The following EDIL3 variants were observed in gnomAD, a reference collection of about 807,000 sequenced individuals.
EDIL3 encodes the protein EGF-like repeat and discoidin I-like domain-containing protein 3.
Under a neutral mutation model 67.4 loss-of-function variants are expected in EDIL3, and 37 were observed. The observed-to-expected ratio is 0.55, with a 90% confidence interval of 0.42 to 0.72. The LOEUF is 0.72. Ranked by LOEUF, EDIL3 falls within the 30% of genes least tolerant of loss-of-function variation. The pLI is 0.00. For synonymous variants in EDIL3, 195 were observed against 196.3 expected, an observed-to-expected ratio of 0.99 and a Z score of 0.05; for missense variants, 527 against 586.3, an observed-to-expected ratio of 0.90 and a Z score of 1.04.
At chr5:84,328,597 C>T (rs1012071540) in intron 1 of EDIL3, among the ~76,000 whole-genome samples, 2 of 152,012 alleles carry the variant, frequency 1.3e-5, no homozygotes, top group African/African-American at 4.8e-5. Context: ...AATGGCTCTA[C>T]AGAAACACAA....
intron 10 of EDIL3, among the ~76,000 whole-genome samples, chr5:83,946,908 T>G (rs1284099576): frequency 6.6e-6 from 1 of 151,968 alleles, no homozygotes; most frequent in Non-Finnish European, 1.5e-5. Context: ...CTTAACTGAT[T>G]AAAAGTTTTA....
chr5:83,974,764 TATTA>T (rs1400728582), intron 9 of EDIL3, among the ~76,000 whole-genome samples: 2 of 152,144 alleles, frequency 1.3e-5, no homozygotes, highest in Admixed American at 1.3e-4. Flanking sequence ...CTCATATTTA[TATTA>T]ATTTATTTAT....
At chr5:84,201,699 A>C (rs1743841695) in intron 3 of EDIL3, among the ~76,000 whole-genome samples, 1 of 152,160 alleles carries the variant, frequency 6.6e-6, no homozygotes, top group Non-Finnish European at 1.5e-5. Flanking sequence ...GTATAAACTA[A>C]GAGTAAAACT....
intron 4 of EDIL3, among the ~76,000 whole-genome samples, chr5:84,151,296 C>CA (rs1561446566): frequency 2.6e-5 from 4 of 151,440 alleles, no homozygotes; most frequent in South Asian, 2.1e-4. Context: ...CACACACACA[C>CA]CCCGACACTC....
intron 9 of EDIL3, among the ~76,000 whole-genome samples, chr5:83,997,430 G>T (rs1486941919): frequency 6.6e-6 from 1 of 152,134 alleles, no homozygotes; most frequent in Non-Finnish European, 1.5e-5. Flanking sequence ...GGTTAAGAGG[G>T]TTTGGCAGTG....
intron 1 of EDIL3, among the ~76,000 whole-genome samples, chr5:84,335,143 T>C (rs1045385312): frequency 3.3e-5 from 5 of 152,202 alleles, no homozygotes; most frequent in African/African-American, 1.2e-4. Context: ...CTTTGGTTTG[T>C]GATTTTGTTT....
intron 9 of EDIL3, among the ~76,000 whole-genome samples, chr5:84,009,219 C>G (rs374778617): frequency 4.6e-5 from 7 of 152,260 alleles, no homozygotes; most frequent in African/African-American, 1.7e-4. Context: ...AAAACAGCCA[C>G]TTTCTTTATA....
chr5:84,023,207 G>C (rs67558570), intron 9 of EDIL3, among the ~76,000 whole-genome samples: 1 of 151,742 alleles, frequency 6.6e-6, no homozygotes, highest in South Asian at 2.1e-4. Flanking sequence ...TGGAATTATC[G>C]TGTGGTATAT....
chr5:84,287,611 T>C (rs1745833741), intron 1 of EDIL3, among the ~76,000 whole-genome samples: 1 of 152,146 alleles, frequency 6.6e-6, no homozygotes, highest in Non-Finnish European at 1.5e-5. Flanking sequence ...GAAGGACACA[T>C]GCACAGGCCT....
intron 1 of EDIL3, among the ~76,000 whole-genome samples, chr5:84,266,935 T>C (rs1246276030): frequency 1.3e-5 from 2 of 152,240 alleles, no homozygotes; most frequent in African/African-American, 4.8e-5. Flanking sequence ...CTAAGTGTTT[T>C]ATGGGTATTA....
intron 9 of EDIL3, among the ~76,000 whole-genome samples, chr5:84,013,491 C>A (rs1179400411): frequency 6.6e-6 from 1 of 152,122 alleles, no homozygotes; most frequent in Non-Finnish European, 1.5e-5. Context: ...TGCTGCCAAA[C>A]ACACAGATTC....
intron 5 of EDIL3, among the ~76,000 whole-genome samples, chr5:84,129,442 C>T (rs1403119695): frequency 6.6e-6 from 1 of 151,986 alleles, no homozygotes; most frequent in African/African-American, 2.4e-5. Flanking sequence ...TTATGCACCT[C>T]AGATTTACCC....
intron 3 of EDIL3, among the ~76,000 whole-genome samples, chr5:84,184,992 A>G (rs1020292441): frequency 1.3e-5 from 2 of 152,166 alleles, no homozygotes; most frequent in Non-Finnish European, 1.5e-5. Context: ...AGGGCCAAAG[A>G]TTAAACCTTT....
intron 1 of EDIL3, among the ~76,000 whole-genome samples, chr5:84,375,278 T>C (rs1363136328): frequency 6.6e-6 from 1 of 152,164 alleles, no homozygotes; most frequent in African/African-American, 2.4e-5. Flanking sequence ...CCTTCGAGTA[T>C]TTCTTTATAG....
At chr5:84,166,820 T>A (rs1748712479) in intron 4 of EDIL3, among the ~76,000 whole-genome samples, 1 of 152,030 alleles carries the variant, frequency 6.6e-6, no homozygotes, top group South Asian at 2.1e-4. Context: ...GCAAGAATCA[T>A]GGTTATCTAG....
At chr5:83,960,052 T>G (rs1241599717) in intron 10 of EDIL3, among the ~76,000 whole-genome samples, 2 of 151,004 alleles carry the variant, frequency 1.3e-5, no homozygotes, top group African/African-American at 4.8e-5. Context: ...TACTGAATTT[T>G]TATCTACAGT....
chr5:84,030,744 T>C (rs1745904781), intron 9 of EDIL3, among the ~76,000 whole-genome samples: 2 of 152,066 alleles, frequency 1.3e-5, no homozygotes, highest in African/African-American at 4.8e-5. Context: ...TAGTGAGTGG[T>C]GTTAGCCTAC....
intron 3 of EDIL3, among the ~76,000 whole-genome samples, chr5:84,213,525 A>T (rs1744170739): frequency 6.6e-6 from 1 of 152,210 alleles, no homozygotes; most frequent in South Asian, 2.1e-4. Flanking sequence ...AGAAATGTAT[A>T]GCTCATTCTT....
intron 1 of EDIL3, among the ~76,000 whole-genome samples, chr5:84,282,502 T>A (rs944515149): frequency 1.3e-5 from 2 of 152,214 alleles, no homozygotes; most frequent in African/African-American, 4.8e-5. Context: ...CATAATTTAT[T>A]TCTTCATTCT....
Sources: allele counts gnomAD v4.1 joint callset (sites outside exome capture counted in the v4.1 genomes callset), GRCh38; gene constraint gnomAD v4.1.1; transcripts MANE v1.5; gene names NCBI Gene and HGNC (gene_info 2026-07-23, HGNC 2026-07-21).